The following ZNF827 variants were observed in gnomAD, a reference collection of about 807,000 sequenced individuals.
The protein encoded by ZNF827 is zinc finger protein 827.
A neutral mutation model predicts 102.4 loss-of-function variants in ZNF827; 13 were observed. The observed-to-expected ratio is 0.13, with a 90% CI of 0.08 to 0.20. The LOEUF (loss-of-function observed/expected upper bound fraction) is 0.20, where lower values mean the gene tolerates loss of function less well. Among genes scored for constraint, ZNF827 ranks in the 10% least tolerant of loss-of-function variants. ZNF827 has a pLI of 1.00. For synonymous variants in ZNF827, 523 were observed against 536.2 expected, an observed-to-expected ratio of 0.98 and a Z score of 0.34; for missense variants, 1,103 against 1,344.4, an observed-to-expected ratio of 0.82 and a Z score of 2.81.
intron 4 of ZNF827, among the ~76,000 whole-genome samples, chr4:145,874,596 A>C (rs576727951): frequency 1.5e-3 from 224 of 152,348 alleles, no homozygotes; most frequent in Non-Finnish European, 2.3e-3. Flanking sequence ...TGAGAGGTGG[A>C]ATTCAAGATG....
intron 7 of ZNF827, chr4:145,839,693 T>C (rs963545704): frequency 1.3e-5 from 2 of 152,246 alleles, no homozygotes; most frequent in Non-Finnish European, 2.9e-5. Context: ...ACTTTTTGGT[T>C]ATATCATTCT....
At chr4:145,785,507 T>C (rs1453362354) in intron 8 of ZNF827, among the ~76,000 whole-genome samples, 2 of 152,126 alleles carry the variant, frequency 1.3e-5, no homozygotes, top group Admixed American at 1.3e-4. Context: ...AATGAAGCAT[T>C]ATATTCCAGG....
At chr4:145,841,835 C>T (rs191913802) in intron 7 of ZNF827, among the ~76,000 whole-genome samples, 101 of 152,156 alleles carry the variant, frequency 6.6e-4, no homozygotes, top group African/African-American at 2.0e-3. Flanking sequence ...CCTGGCTACA[C>T]GGTGTGCCTT....
At chr4:145,802,367 CTG>C (rs1436054770) in intron 8 of ZNF827, among the ~76,000 whole-genome samples, 1 of 152,220 alleles carries the variant, frequency 6.6e-6, no homozygotes, top group Non-Finnish European at 1.5e-5. Context: ...GTTTTCACTC[CTG>C]TTGGGCACAA....
intron 8 of ZNF827, among the ~76,000 whole-genome samples, chr4:145,784,514 A>C (rs558916534): frequency 6.6e-6 from 1 of 152,266 alleles, no homozygotes; most frequent in East Asian, 1.9e-4. Context: ...CAACAGCAAC[A>C]AGTGTACACC....
At chr4:145,913,510 T>A (rs58198080) in intron 1 of ZNF827, among the ~76,000 whole-genome samples, 2,098 of 150,764 alleles carry the variant, frequency 0.014, 56 homozygotes, top group African/African-American at 0.049. Flanking sequence ...CAAAAAGATA[T>A]ACTCATCCTT....
chr4:145,906,219 T>C (rs1751860553), intron 1 of ZNF827, among the ~76,000 whole-genome samples: 2 of 152,242 alleles, frequency 1.3e-5, no homozygotes, highest in South Asian at 4.1e-4. Context: ...ACAGAACCGC[T>C]GAACGACGAC....
In ZNF827 at chr4:145,758,367, C is replaced by T. The variant is rs1579050418; in HGVS notation, c.*3249G>A. The T allele has an allele frequency of 6.6e-6, 1 of 152,206 alleles. No individual in the cohort carries two copies. The allele number at this position is 152,206 out of a possible 1,614,324, so 9.4% of individuals were successfully genotyped here. ...TTTCAACCCTAGACCTCCTATTGCACAAGTGGCATGCTGTAAAACCTATAG... is the reference window on the plus strand; with the variant it reads ...TTTCAACCCTAGACCTCCTATTGCATAAGTGGCATGCTGTAAAACCTATAG... On this transcript the variant is annotated 3_prime_UTR_variant, in exon 15 of 15. Coordinates refer to ENST00000508784, the MANE Select transcript of ZNF827 (RefSeq NM_001306215.2).
chr4:145,936,422 G>A lies in ZNF827; in HGVS notation c.43+1943C>T, dbSNP rs548555005. On this transcript the variant is annotated intron_variant, in intron 1 of 14. Transcript: ENST00000508784. ...TCCTCAGAACCTCTAGCGGGCAGGC[G>A]AAGAAAGGACTGCACAGGGGCATTT... is the stretch of plus-strand genomic sequence containing the variant. Among the ~76,000 whole-genome samples the A allele has an allele frequency of 2.0e-5, 3 of 151,770 alleles. No homozygotes were observed. The East Asian group carries it at 5.8e-4, about 29-fold the overall frequency.
chr4:145,802,042 A>G lies in ZNF827; in HGVS notation c.2383+21380T>C, dbSNP rs1443466008. 2.6e-5 allele frequency among the ~76,000 whole-genome samples: 4 copies of G among 152,314 alleles called. No individual in the cohort carries two copies. The East Asian group carries it at 5.8e-4, about 22-fold the overall frequency. On this transcript the variant is annotated intron_variant, in intron 8 of 14. Transcript: ENST00000508784. ...ATTTGTCCCTTATCTAATACACCGAATAAGAATGAAGGCTGGGCATTGTCA... is the reference window on the plus strand; with the variant it reads ...ATTTGTCCCTTATCTAATACACCGAGTAAGAATGAAGGCTGGGCATTGTCA...
At chr4:145,835,735 T>C (rs1744772239) in intron 7 of ZNF827, among the ~76,000 whole-genome samples, 1 of 117,728 alleles carries the variant, frequency 8.5e-6, no homozygotes, top group Admixed American at 9.9e-5. Flanking sequence ...TCAACGCCAG[T>C]ATCCCATCCC....
intron 8 of ZNF827, among the ~76,000 whole-genome samples, chr4:145,803,881 G>T (rs1579236653): frequency 6.6e-6 from 1 of 152,192 alleles, no homozygotes; most frequent in Non-Finnish European, 1.5e-5. Context: ...CATACAAAAA[G>T]AATTCAGTTT....
At chr4:145,862,069 C>A (rs555289674) in intron 5 of ZNF827, among the ~76,000 whole-genome samples, 1 of 152,094 alleles carries the variant, frequency 6.6e-6, no homozygotes, top group East Asian at 1.9e-4. Flanking sequence ...CCATATGGGG[C>A]GGGGGAAAGC....
chr4:145,772,984 T>C (rs58001260), intron 11 of ZNF827, among the ~76,000 whole-genome samples: 26,474 of 152,146 alleles, frequency 0.17, 3,362 homozygotes, highest in East Asian at 0.69. Flanking sequence ...ATATGGTTTC[T>C]ATGGTTTCTA....
At chr4:145,908,800 G>A (rs1182859365) in intron 1 of ZNF827, among the ~76,000 whole-genome samples, 3 of 152,144 alleles carry the variant, frequency 2.0e-5, no homozygotes, top group Admixed American at 1.3e-4. Context: ...GAAGAGTGAG[G>A]GTTTCACAAG....
intron 2 of ZNF827, among the ~76,000 whole-genome samples, chr4:145,899,410 C>T (rs2126876457): frequency 6.6e-6 from 1 of 152,182 alleles, no homozygotes; most frequent in South Asian, 2.1e-4. Flanking sequence ...TCAGTGATCC[C>T]CAGTAACACC....
At chr4:145,774,849 G>A (rs1185706169) in intron 10 of ZNF827, among the ~76,000 whole-genome samples, 177 bp from the exon 11 acceptor site, 1 of 152,186 alleles carries the variant, frequency 6.6e-6, no homozygotes, top group Non-Finnish European at 1.5e-5. Context: ...TGCCTCTAAA[G>A]TAGTCACTGT....
intron 7 of ZNF827, among the ~76,000 whole-genome samples, chr4:145,842,572 A>G (rs1745523073): frequency 1.3e-5 from 2 of 152,232 alleles, no homozygotes; most frequent in Non-Finnish European, 2.9e-5. Flanking sequence ...CTGTGGGTTT[A>G]TAAGAGGCAG....
chr4:145,926,502 C>T (rs1019420203), intron 1 of ZNF827, among the ~76,000 whole-genome samples: 1 of 152,124 alleles, frequency 6.6e-6, no homozygotes, highest in African/African-American at 2.4e-5. Flanking sequence ...GATGTTGCCA[C>T]CCTTGTTCTG....
Sources: gnomAD v4.1 joint callset for allele counts (sites outside exome capture counted in the v4.1 genomes callset) on GRCh38, gnomAD v4.1.1 for gene constraint, MANE v1.5 for transcripts, NCBI Gene and HGNC (gene_info 2026-07-23, HGNC 2026-07-21) for gene names.